NAPA: variants seen among roughly 807,000 people sequenced by gnomAD.
The protein encoded by NAPA is NSF attachment protein alpha.
A neutral mutation model predicts 48.0 loss-of-function variants in NAPA; 18 were observed. That is an observed-to-expected ratio of 0.38 (90% confidence interval 0.26 to 0.56). The LOEUF (loss-of-function observed/expected upper bound fraction) is 0.56, where lower values mean the gene tolerates loss of function less well. NAPA is among the 20% of genes least tolerant of loss of function. The pLI is 0.77. For missense variants in NAPA, 315 were observed against 385.0 expected, an observed-to-expected ratio of 0.82 and a Z score of 1.52; for synonymous variants, 152 against 149.9, an observed-to-expected ratio of 1.01 and a Z score of -0.10.
At chr19:47,500,536 G>A (rs1036394436) in intron 3 of NAPA, 97 bp downstream of exon 3, 3 of 1,026,076 alleles carry the variant, frequency 2.9e-6, no homozygotes, top group South Asian at 1.8e-5. Context: ...GTCGGCCACT[G>A]GAAAAACCAG....
intron 1 of NAPA, among the ~76,000 whole-genome samples, chr19:47,505,727 G>C (rs1270017926): frequency 6.6e-6 from 1 of 152,138 alleles, no homozygotes; most frequent in Non-Finnish European, 1.5e-5. Flanking sequence ...GGGCGGGCTG[G>C]TTGGGCCAGG....
At chr19:47,510,422 C>T (rs1236019347) in intron 1 of NAPA, among the ~76,000 whole-genome samples, 1 of 152,210 alleles carries the variant, frequency 6.6e-6, no homozygotes, top group Non-Finnish European at 1.5e-5. Flanking sequence ...AATGACAATA[C>T]CTACTAATAA....
In NAPA at chr19:47,488,023, C is replaced by A; in HGVS notation, c.*265G>T. 2.6e-6 allele frequency: 1 copy of A among 378,496 alleles called. No homozygotes were observed. The highest frequency in any genetic ancestry group is 5.0e-6 in the Non-Finnish European group (1 of 201,960). The allele number at this position is 378,496 out of a possible 1,614,324, so 23.4% of individuals were successfully genotyped here. Reference sequence around the variant, plus strand: ...ATAGGTCTGTATCAAAGATTCTGTACAGCTGGTTTTGGGGGTGAAGGGCAC... The same window carrying A: ...ATAGGTCTGTATCAAAGATTCTGTAAAGCTGGTTTTGGGGGTGAAGGGCAC... On this transcript the variant is annotated 3_prime_UTR_variant, in exon 11 of 11. Coordinates refer to ENST00000263354, the MANE Select transcript of NAPA (RefSeq NM_003827.4).
At chr19:47,492,754 G>A (rs749895230) in intron 7 of NAPA, 21 of 691,704 alleles carry the variant, frequency 3.0e-5, no homozygotes, top group Non-Finnish European at 5.0e-5. Flanking sequence ...GGAGAGAGAC[G>A]GTGCTGGCAC....
chr19:47,509,741 T>C (rs3786521), intron 1 of NAPA, among the ~76,000 whole-genome samples: 57,862 of 151,992 alleles, frequency 0.38, 13,552 homozygotes, highest in East Asian at 0.55. Flanking sequence ...TCAAAATACA[T>C]ACAGGCCCAC....
intron 4 of NAPA, among the ~76,000 whole-genome samples, chr19:47,494,035 G>C (rs899840913): frequency 6.6e-5 from 10 of 152,186 alleles, no homozygotes; most frequent in Non-Finnish European, 1.0e-4. Flanking sequence ...AAGGGGCCTC[G>C]CACCTTCCAT....
chr19:47,490,646 C>CAAACAAA (rs1968238403), intron 9 of NAPA, 142 bp downstream of exon 9: 2 of 523,584 alleles, frequency 3.8e-6, no homozygotes, highest in Non-Finnish European at 6.8e-6. Flanking sequence ...CTCAAATGGC[C>CAAACAAA]AAACAAAACA....
intron 1 of NAPA, among the ~76,000 whole-genome samples, chr19:47,509,995 C>T (rs1179488521): frequency 6.6e-6 from 1 of 152,216 alleles, no homozygotes; most frequent in Non-Finnish European, 1.5e-5. Flanking sequence ...GCAGCAAAGT[C>T]CTATCCATCA....
intron 10 of NAPA, chr19:47,488,954 G>C (rs893538100): frequency 1.3e-5 from 2 of 152,106 alleles, no homozygotes; most frequent in African/African-American, 2.4e-5. Context: ...TCACTGAATG[G>C]GTGGGAAACT....
intron 10 of NAPA, 153 bp downstream of exon 10, chr19:47,489,558 T>TA (rs1968182879): frequency 1.2e-6 from 1 of 835,070 alleles, no homozygotes; most frequent in Admixed American, 2.5e-5. Context: ...GCGCTACTTG[T>TA]AAGGTTTCTG....
chr19:47,491,983 T>G, intron 8 of NAPA, 32 bp downstream of exon 8: 1 of 1,588,000 alleles, frequency 6.3e-7, no homozygotes. Context: ...GGTGGCCTGG[T>G]GCGGTGGTCC....
At position 47,500,739 on chromosome 19, in the gene NAPA, G is replaced by A. The variant is rs751270768; in HGVS notation, c.189C>T (p.Asn63=). 7.5e-6 allele frequency: 12 copies of A among 1,604,646 alleles called. No homozygotes were observed. Among genetic ancestry groups the A allele is most frequent in the East Asian group, 2.3e-5 (1 of 44,260 alleles). ...KMAKNWSAAG[N]AFCQAAQLHL... Reference sequence around the variant, plus strand: ...GCAGCTGTGCAGCCTGGCAGAACGCGTTTCCAGCAGCTGGAACAGAAGAGA... The same window carrying A: ...GCAGCTGTGCAGCCTGGCAGAACGCATTTCCAGCAGCTGGAACAGAAGAGA... Residue 63 remains asparagine (N), a synonymous_variant, in exon 3 of 11, where the codon AAC becomes AAT. Coordinates refer to ENST00000263354, the MANE Select transcript of NAPA (RefSeq NM_003827.4).
rs564275600 is a variant in NAPA at position 47,487,836 on chromosome 19, C to T, written c.*452G>A. 3.2e-3 allele frequency: 495 copies of T among 153,200 alleles called. 7 individuals carry two copies. The highest frequency in any genetic ancestry group is 8.6e-3 in the African/African-American group (356 of 41,520). 9.5% of individuals were successfully genotyped at this position (153,200 alleles called of 1,614,324 possible). On this transcript the variant is annotated 3_prime_UTR_variant, in exon 11 of 11. Coordinates refer to ENST00000263354, the MANE Select transcript of NAPA (RefSeq NM_003827.4). ...GCTCCCGGGGCTGGGGGAAGAGGAG[C>T]CTGCCCCCAGCAGAAACAGCAGGTC... is the stretch of plus-strand genomic sequence containing the variant.
intron 3 of NAPA, 62 bp from the exon 4 acceptor site, chr19:47,495,658 GGA>G (rs1361010770): frequency 1.3e-6 from 2 of 1,551,682 alleles, no homozygotes; most frequent in Non-Finnish European, 1.8e-6. Context: ...CAGAAGCTGA[GGA>G]GAGGAGGCGG....
In NAPA at chr19:47,495,906, C is replaced by G. The variant is rs1191283973; in HGVS notation, c.296-310G>C. The G allele has an allele frequency of 7.4e-6, 3 of 403,488 alleles. No individual in the cohort carries two copies. The East Asian group carries it at 1.6e-4, about 22-fold the overall frequency. The allele number at this position is 403,488 out of a possible 1,614,324, so 25.0% of individuals were successfully genotyped here. Reference sequence around the variant, plus strand: ...TTCCCACAACCCCAGGGACAGGGCACAGCAGTGCTAGGCCAGGATGATGGC... The same window carrying G: ...TTCCCACAACCCCAGGGACAGGGCAGAGCAGTGCTAGGCCAGGATGATGGC... On this transcript the variant is annotated intron_variant, in intron 3 of 10. Coordinates refer to ENST00000263354, the MANE Select transcript of NAPA (RefSeq NM_003827.4).
intron 7 of NAPA, chr19:47,492,689 T>A (rs1371429362): frequency 1.7e-6 from 1 of 598,278 alleles, no homozygotes; most frequent in African/African-American, 1.8e-5. Flanking sequence ...TTAGCCAGCC[T>A]CACTCTGGGC....
intron 3 of NAPA, among the ~76,000 whole-genome samples, chr19:47,499,890 C>G (rs1471659752): frequency 6.6e-6 from 1 of 152,192 alleles, no homozygotes; most frequent in African/African-American, 2.4e-5. Flanking sequence ...TTCCATTCCC[C>G]TGAGATGACA....
Position 47,492,991 on chromosome 19 carries a change from C to A in NAPA, c.531G>T (p.Gln177His). The change falls in exon 7 of 11, where the codon CAG becomes CAT. Residue 177 changes from glutamine (Q) to histidine (H), a missense_variant. Gln to His is a conservative substitution (Grantham distance 24). Around this residue, in one of 3 missense-constraint regions of NAPA, gnomAD observed 5 missense variants for 21.4 expected, o/e 0.23. Coordinates refer to ENST00000263354, the MANE Select transcript of NAPA (RefSeq NM_003827.4). The stretch of plus-strand genomic sequence containing the variant: ...CGTAGATGTCAATGGCCTTCTGATA[C>A]TGCTCCAGCAGCGCAGCGTAACCAG... Reference protein sequence around the residue: ...KVAGYAALLEQYQKAIDIYEQ... With the variant: ...KVAGYAALLEHYQKAIDIYEQ... 6.2e-7 allele frequency: 1 copy of A among 1,614,198 alleles called. No homozygotes were observed. The highest frequency in any genetic ancestry group is 1.1e-5 in the South Asian group (1 of 91,080).
intron 1 of NAPA, 141 bp from the exon 2 acceptor site, chr19:47,503,643 G>C: frequency 2.6e-6 from 2 of 775,082 alleles, no homozygotes; most frequent in Non-Finnish European, 4.4e-6. Context: ...CAGGCCTCTT[G>C]AGTCTGTGGC....
Sources: gnomAD v4.1 joint callset for allele counts (sites outside exome capture counted in the v4.1 genomes callset) on GRCh38, gnomAD v4.1.1 for gene constraint, gnomAD v4.1.1 regional missense constraint, MANE v1.5 for transcripts, NCBI Gene and HGNC (gene_info 2026-07-23, HGNC 2026-07-21) for gene names.